The following CFAP69 variants were observed in gnomAD, a reference collection of about 807,000 sequenced individuals.
CFAP69 encodes cilia- and flagella-associated protein 69.
In CFAP69, 92 loss-of-function variants were observed where a neutral mutation model predicts 123.0. That is an observed-to-expected ratio of 0.75 (90% confidence interval 0.63 to 0.89). The LOEUF is 0.89. CFAP69 is among the 40% of genes least tolerant of loss of function. The probability of loss-of-function intolerance (pLI) is 0.00; values close to 1 mark genes in which losing one functional copy is unlikely to be tolerated. For synonymous variants in CFAP69, 380 were observed against 364.3 expected, an observed-to-expected ratio of 1.04 and a Z score of -0.49; for missense variants, 1,067 against 1,096.9, an observed-to-expected ratio of 0.97 and a Z score of 0.39.
At chr7:90,260,386 G>A (rs987577831) in intron 3 of CFAP69, among the ~76,000 whole-genome samples, 7 of 151,884 alleles carry the variant, frequency 4.6e-5, no homozygotes, top group African/African-American at 1.5e-4. Flanking sequence ...CATGTATGGC[G>A]ATGCACACCT....
At chr7:90,290,401 C>T (rs374506612) in intron 15 of CFAP69, among the ~76,000 whole-genome samples, 1 of 152,298 alleles carries the variant, frequency 6.6e-6, no homozygotes, top group East Asian at 1.9e-4. Context: ...AGTCCCAGCT[C>T]AGCAGTCAGG....
chr7:90,261,779 G>T lies in CFAP69; in HGVS notation c.247-168G>T, dbSNP rs536232381. Among the ~76,000 whole-genome samples, 83 of 152,160 alleles carry T rather than the reference G, an allele frequency of 5.5e-4. 1 individual carries two copies. The highest frequency in any genetic ancestry group is 9.3e-4 in the Non-Finnish European group (63 of 68,000). ...ATGAAATGGTTTTTTTAAAAATATG[G>T]TTCTAAATTTCCTTTTTTAGACTTC... is the stretch of plus-strand genomic sequence containing the variant. On this transcript the variant is annotated intron_variant, in intron 3 of 22. Transcript: ENST00000389297.
intron 19 of CFAP69, 24 bp from the exon 20 acceptor site, chr7:90,306,877 C>T (rs779579114): frequency 2.2e-6 from 3 of 1,357,482 alleles, no homozygotes; most frequent in South Asian, 1.3e-5. Flanking sequence ...GTTAATTTAA[C>T]TTTGTTAAAC....
intron 15 of CFAP69, among the ~76,000 whole-genome samples, chr7:90,293,690 T>TA (rs1329671489): frequency 1.3e-5 from 2 of 152,246 alleles, no homozygotes; most frequent in African/African-American, 2.4e-5. Flanking sequence ...AAATACTTGT[T>TA]ACGCTGTTAA....
At chr7:90,292,269 T>C (rs1791317459) in intron 15 of CFAP69, among the ~76,000 whole-genome samples, 1 of 152,152 alleles carries the variant, frequency 6.6e-6, no homozygotes, top group African/African-American at 2.4e-5. Context: ...CCTAAGAGTT[T>C]GGTAAATTTC....
chr7:90,300,088 G>C, intron 17 of CFAP69, 29 bp downstream of exon 17: 5 of 1,458,518 alleles, frequency 3.4e-6, no homozygotes, highest in Non-Finnish European at 4.6e-6. Flanking sequence ...GTTAGTAGAA[G>C]CAATTAATGT....
chr7:90,296,118 C>G (rs1004594681), intron 15 of CFAP69, among the ~76,000 whole-genome samples: 3 of 152,168 alleles, frequency 2.0e-5, no homozygotes, highest in Admixed American at 1.3e-4. Flanking sequence ...CACCCAGCCC[C>G]TATTCAAGAT....
At chr7:90,292,736 G>C (rs961025801) in intron 15 of CFAP69, among the ~76,000 whole-genome samples, 104 of 152,130 alleles carry the variant, frequency 6.8e-4, no homozygotes, top group African/African-American at 2.2e-3. Context: ...AACATTTTAA[G>C]CAACAAGTTA....
At chr7:90,304,872 A>T (rs1487254834) in intron 19 of CFAP69, 52 bp downstream of exon 19, 1 of 1,147,416 alleles carries the variant, frequency 8.7e-7, no homozygotes, top group Non-Finnish European at 1.3e-6. Flanking sequence ...GCAAAAAATT[A>T]ACTGGAAAAT....
chr7:90,306,467 G>A (rs1354158277), intron 19 of CFAP69, among the ~76,000 whole-genome samples: 1 of 152,178 alleles, frequency 6.6e-6, no homozygotes, highest in Non-Finnish European at 1.5e-5. Flanking sequence ...AGGGTGGCTG[G>A]GTTCTAGGGT....
intron 13 of CFAP69, among the ~76,000 whole-genome samples, chr7:90,283,790 A>G (rs931158258): frequency 4.6e-5 from 7 of 152,142 alleles, no homozygotes; most frequent in Admixed American, 3.3e-4. Flanking sequence ...AATCTGCTAG[A>G]TGTCAATTAA....
chr7:90,319,161 G>T, the CFAP69 span: 3 of 377,980 alleles, frequency 7.9e-6, no homozygotes, highest in Non-Finnish European at 1.4e-5. Context: ...ATTTAAAATT[G>T]TAAGTCAGAG....
chr7:90,299,898 TTGGAATAA>T lies in CFAP69; in HGVS notation c.1893_1900del (p.Ile632Ter). ...CAAAAAAAATTCTGTAATCTAATAC[TTGGAATAA>T]TGGTTGAATTTTGTGATAATCCCAA... On this transcript the variant is annotated frameshift_variant, in exon 17 of 23. Transcript: ENST00000389297. 6.2e-7 allele frequency: 1 copy of T among 1,608,680 alleles called. No homozygotes were observed. Among genetic ancestry groups the T allele is most frequent in the Non-Finnish European group, 8.5e-7 (1 of 1,177,688 alleles).
intron 13 of CFAP69, among the ~76,000 whole-genome samples, chr7:90,285,680 T>TA (rs1369371853): frequency 1.3e-5 from 2 of 152,148 alleles, no homozygotes; most frequent in African/African-American, 4.8e-5. Flanking sequence ...TTGACCCTGT[T>TA]AACCATGAGG....
chr7:90,256,658 T>C (rs1010214827), intron 2 of CFAP69, among the ~76,000 whole-genome samples: 8 of 152,194 alleles, frequency 5.3e-5, no homozygotes, highest in Non-Finnish European at 1.0e-4. Flanking sequence ...CTTTTTTACA[T>C]ATAAAGGAGA....
At chr7:90,293,657 A>G (rs980061689) in intron 15 of CFAP69, among the ~76,000 whole-genome samples, 1 of 152,214 alleles carries the variant, frequency 6.6e-6, no homozygotes, top group Non-Finnish European at 1.5e-5. Context: ...CCTTACATAT[A>G]AAACTGTTTC....
chr7:90,302,423 T>C (rs899947166), intron 17 of CFAP69: 1 of 152,242 alleles, frequency 6.6e-6, no homozygotes, highest in Non-Finnish European at 1.5e-5. Context: ...TGCTACTGCC[T>C]AGGTTGTCTT....
At chr7:90,319,929 C>T in the CFAP69 span, among the ~76,000 whole-genome samples, 1 of 152,146 alleles carries the variant, frequency 6.6e-6, no homozygotes, top group Non-Finnish European at 1.5e-5. Flanking sequence ...TATTACAGTT[C>T]CGGTTTGATT....
chr7:90,301,694 G>A (rs1199455984), intron 17 of CFAP69: 1 of 152,188 alleles, frequency 6.6e-6, no homozygotes, highest in African/African-American at 2.4e-5. Flanking sequence ...ATTCCATGGT[G>A]TATATGGACC....
Sources: gnomAD v4.1 joint callset for allele counts (sites outside exome capture counted in the v4.1 genomes callset) on GRCh38, gnomAD v4.1.1 for gene constraint, MANE v1.5 for transcripts, NCBI Gene and HGNC (gene_info 2026-07-23, HGNC 2026-07-21) for gene names.